PROSER3: variants seen among roughly 807,000 people sequenced by gnomAD.
PROSER3 encodes proline and serine rich 3, also known as proline and serine-rich protein 3.
PROSER3 carries 33 observed loss-of-function variants against 50.2 expected under a neutral mutation model. The ratio of observed to expected loss-of-function variants is 0.66; its 90% CI spans 0.50 to 0.88. The LOEUF is 0.88. Among genes scored for constraint, PROSER3 ranks in the 40% least tolerant of loss-of-function variants. The pLI, the probability that PROSER3 is intolerant of heterozygous loss-of-function variation, is 0.00. For synonymous variants in PROSER3, 266 were observed against 259.3 expected (o/e 1.03, Z -0.25); for missense variants, 623 against 612.7 (o/e 1.02, Z -0.18).
chr19:35,758,308 A>G, intron 1 of PROSER3, 82 bp downstream of exon 1: 1 of 1,492,230 alleles, frequency 6.7e-7, no homozygotes, highest in Non-Finnish European at 9.0e-7. Flanking sequence ...GACGGGCTGG[A>G]TACGGTCTGG....
intron 1 of PROSER3, 177 bp from the exon 2 acceptor site, chr19:35,759,197 C>T: frequency 3.3e-6 from 2 of 604,976 alleles, no homozygotes; most frequent in Non-Finnish European, 5.8e-6. Context: ...GGGCGGGCTC[C>T]CAGGACTCAC....
chr19:35,759,333 G>C, intron 1 of PROSER3, 41 bp from the exon 2 acceptor site: 5 of 1,557,712 alleles, frequency 3.2e-6, no homozygotes, highest in Non-Finnish European at 4.4e-6. Context: ...CAGGGCTGCG[G>C]CGAAACCACG....
At chr19:35,762,466 T>A (rs1970986912) in intron 5 of PROSER3, 110 bp downstream of exon 5, 7 of 1,075,070 alleles carry the variant, frequency 6.5e-6, no homozygotes, top group Middle Eastern at 2.1e-4. Flanking sequence ...CCCAGCACTT[T>A]GGGAGGCCAA....
chr19:35,767,050 G>T (rs1400411297), intron 8 of PROSER3, 22 bp from the exon 9 acceptor site: 1 of 1,380,668 alleles, frequency 7.2e-7, no homozygotes, highest in Admixed American at 2.5e-5. Context: ...CTCTGTCTCA[G>T]ATCTCTCTTA....
rs979669572 is a variant in PROSER3 at position 35,758,318 on chromosome 19, G to A, written c.11+92G>A. On this transcript the variant is annotated intron_variant, in intron 1 of 10. Transcript: ENST00000396908. Reference sequence around the variant, plus strand: ...CCTAGGACGGGCTGGATACGGTCTGGAGTCGCTAGGGCTCCACCGCACTGG... The same window carrying A: ...CCTAGGACGGGCTGGATACGGTCTGAAGTCGCTAGGGCTCCACCGCACTGG... 226 of 1,443,974 alleles carry A rather than the reference G, an allele frequency of 1.6e-4. 1 individual carries two copies. The highest frequency in any genetic ancestry group is 2.9e-5 in the Non-Finnish European group (31 of 1,084,276). The allele number at this position is 1,443,974 out of a possible 1,614,324, so 89.4% of individuals were successfully genotyped here.
rs917354512 is a variant in PROSER3, at chr19:35,758,408, G to T, written c.11+182G>T. The T allele has an allele frequency of 1.5e-5, 11 of 724,946 alleles. No homozygotes were observed. The Admixed American group carries it at 3.0e-4, about 20-fold the overall frequency. 44.9% of individuals were successfully genotyped at this position (724,946 alleles called of 1,614,324 possible). The stretch of plus-strand genomic sequence containing the variant: ...CCAGCCGTAGCCGTTAGCATCCCGG[G>T]GGTCCCCTAAGAGTCTTATGTTCCT... On this transcript the variant is annotated intron_variant, in intron 1 of 10. Transcript: ENST00000396908.
At chr19:35,761,530 T>C (rs1011248467) in intron 3 of PROSER3, among the ~76,000 whole-genome samples, 4 of 152,050 alleles carry the variant, frequency 2.6e-5, no homozygotes, top group African/African-American at 9.7e-5. Flanking sequence ...GGCGTGGTGG[T>C]GCATGCCTGT....
intron 10 of PROSER3, 43 bp downstream of exon 10, chr19:35,768,279 G>A (rs543167281): frequency 3.8e-6 from 6 of 1,591,974 alleles, no homozygotes; most frequent in Admixed American, 3.4e-5. Flanking sequence ...ACTGGGCCCC[G>A]GAGACCTCTG....
chr19:35,765,829 G>A (rs1288554697), intron 7 of PROSER3, among the ~76,000 whole-genome samples: 2 of 152,128 alleles, frequency 1.3e-5, no homozygotes, highest in African/African-American at 2.4e-5. Flanking sequence ...TGGGCCATTC[G>A]TTATGCCCAG....
chr19:35,759,028 GAC>G (rs1970864690), intron 1 of PROSER3: 1 of 210,242 alleles, frequency 4.8e-6, no homozygotes. Flanking sequence ...CTGCGGAAAA[GAC>G]ACGGAGGCCC....
exon 11 of PROSER3, chr19:35,768,474 G>C (rs779039840): frequency 1.3e-6 from 2 of 1,598,192 alleles, no homozygotes; most frequent in East Asian, 4.5e-5. Context: ...CCCTCCAGCC[G>C]GGTCGCCCCC....
At chr19:35,765,000 C>T (rs1199559748) in intron 6 of PROSER3, 34 bp from the exon 7 acceptor site, 23 of 1,612,482 alleles carry the variant, frequency 1.4e-5, no homozygotes, top group Non-Finnish European at 2.0e-5. Context: ...GGTCTCGAGA[C>T]CTCCATTGCC....
In PROSER3 at chr19:35,768,386, C is replaced by T. The variant is rs1238254177; in HGVS notation, c.1302-18C>T. The T allele has an allele frequency of 6.3e-7, 1 of 1,592,962 alleles. No individual in the cohort carries two copies. Among genetic ancestry groups the T allele is most frequent in the South Asian group, 1.1e-5 (1 of 90,656 alleles). Reference sequence around the variant, plus strand: ...CTGAGCACATACCCCAGCCTCTGCTCTCCCGGCCTTTCTCCAGGGAAGCGG... The same window carrying T: ...CTGAGCACATACCCCAGCCTCTGCTTTCCCGGCCTTTCTCCAGGGAAGCGG... On this transcript the variant is annotated intron_variant, in intron 10 of 10. Coordinates refer to ENST00000396908, the Ensembl canonical transcript of PROSER3.
rs150616641 is a variant in PROSER3 at position 35,763,262 on chromosome 19, C to T, written c.543+906C>T. Among the ~76,000 whole-genome samples the T allele has an allele frequency of 9.9e-3, 1,491 of 150,852 alleles. 23 individuals are homozygous for T. Among genetic ancestry groups the T allele is most frequent in the African/African-American group, 0.035 (1,445 of 40,828 alleles). On this transcript the variant is annotated intron_variant, in intron 5 of 10. Coordinates refer to ENST00000396908, the Ensembl canonical transcript of PROSER3. ...TGTCACCCAGGCTGGGGTACAGTGG[C>T]GCCATCTCAGCTCACTGCAACCTCC...
chr19:35,768,108 C>T (rs1971231727), intron 9 of PROSER3, 43 bp downstream of exon 9: 3 of 1,598,608 alleles, frequency 1.9e-6, no homozygotes, highest in African/African-American at 1.3e-5. Context: ...AGGCCAGCCC[C>T]CTAAGAGGCC....
chr19:35,761,848 G>A (rs183906548), intron 3 of PROSER3, among the ~76,000 whole-genome samples, 171 bp from the exon 4 acceptor site: 33 of 152,140 alleles, frequency 2.2e-4, no homozygotes, highest in Admixed American at 3.9e-4. Context: ...GTGACAGAGC[G>A]AGACCCTGTC....
At chr19:35,761,874 T>G (rs1970961011) in intron 3 of PROSER3, 145 bp from the exon 4 acceptor site, 4 of 1,020,178 alleles carry the variant, frequency 3.9e-6, no homozygotes, top group Non-Finnish European at 5.4e-6. Flanking sequence ...AACAGTTATG[T>G]GACTATATAA....
At chr19:35,760,016 A>G in intron 3 of PROSER3, 25 bp downstream of exon 3, 2 of 1,530,370 alleles carry the variant, frequency 1.3e-6, no homozygotes, top group Non-Finnish European at 1.8e-6. Flanking sequence ...CCCTGGGGGA[A>G]AAAGAGGCTT....
chr19:35,767,555 C>G lies in PROSER3; in HGVS notation c.958-249C>G, dbSNP rs767569956. ...GCCTAAGAGCCTGGGGCCCAAGTCT[C>G]GGAGGAGCAGAGCCCCTCGCCCAGA... On this transcript the variant is annotated intron_variant, in intron 8 of 10. Coordinates refer to ENST00000396908, the Ensembl canonical transcript of PROSER3. 16 of 546,222 alleles carry G rather than the reference C, an allele frequency of 2.9e-5. No individual in the cohort carries two copies. In the Admixed American group the frequency reaches 5.5e-4, roughly 19 times the overall value. The allele number at this position is 546,222 out of a possible 1,614,324, so 33.8% of individuals were successfully genotyped here. A position where few individuals can be genotyped will look rare whatever the true frequency, so the allele number is the denominator to read the frequency against.
Sources: allele counts gnomAD v4.1 joint callset (sites outside exome capture counted in the v4.1 genomes callset), GRCh38; gene constraint gnomAD v4.1.1; transcripts MANE v1.5; gene names NCBI Gene and HGNC (gene_info 2026-07-23, HGNC 2026-07-21).